The following CACNA2D3 variants were observed in gnomAD, a reference collection of about 807,000 sequenced individuals.
The protein encoded by CACNA2D3 is calcium voltage-gated channel auxiliary subunit alpha2delta 3, also known as voltage-dependent calcium channel subunit alpha-2/delta-3.
In CACNA2D3, 60 loss-of-function variants were observed where a neutral mutation model predicts 160.6. The observed-to-expected ratio is 0.37, with a 90% CI of 0.30 to 0.46. The LOEUF (loss-of-function observed/expected upper bound fraction) is 0.46, where lower values mean the gene tolerates loss of function less well. Among genes scored for constraint, CACNA2D3 ranks in the 20% least tolerant of loss-of-function variants. CACNA2D3 has a pLI of 1.00. For synonymous variants in CACNA2D3, 558 were observed against 492.9 expected, an observed-to-expected ratio of 1.13 and a Z score of -1.75; for missense variants, 1,205 against 1,365.0, an observed-to-expected ratio of 0.88 and a Z score of 1.85.
At chr3:54,680,680 A>T (rs1700329036) in intron 11 of CACNA2D3, among the ~76,000 whole-genome samples, 1 of 152,222 alleles carries the variant, frequency 6.6e-6, no homozygotes, top group South Asian at 2.1e-4. Flanking sequence ...TTGATCGAGG[A>T]GAGGCTGTCC....
chr3:54,408,824 C>T (rs1699618779), intron 4 of CACNA2D3, among the ~76,000 whole-genome samples: 1 of 152,132 alleles, frequency 6.6e-6, no homozygotes, highest in South Asian at 2.1e-4. Flanking sequence ...ACATAAGTGT[C>T]CATTTGTTGC....
chr3:54,357,457 G>T (rs911112979), intron 3 of CACNA2D3, among the ~76,000 whole-genome samples: 2 of 152,162 alleles, frequency 1.3e-5, no homozygotes, highest in Non-Finnish European at 2.9e-5. Flanking sequence ...AAGAACTCTT[G>T]TTCATTGCTG....
rs1187472022 is a variant in CACNA2D3 at position 54,705,491 on chromosome 3, G to A, written c.1168-47108G>A. Among the ~76,000 whole-genome samples the A allele has an allele frequency of 2.6e-5, 4 of 152,286 alleles. No homozygotes were observed. The South Asian group carries it at 8.3e-4, about 32-fold the overall frequency. ...CTCACAGGTTTTTTCTTGTTGTTCT[G>A]ATTTGCTCCTTTGTTTGTTTTGAGT... is the stretch of plus-strand genomic sequence containing the variant. On this transcript the variant is annotated intron_variant, in intron 11 of 37. Coordinates refer to ENST00000474759, the MANE Select transcript of CACNA2D3 (RefSeq NM_018398.3).
chr3:54,398,187 C>G (rs964311749), intron 4 of CACNA2D3, among the ~76,000 whole-genome samples: 1 of 131,752 alleles, frequency 7.6e-6, no homozygotes, highest in African/African-American at 2.9e-5. Context: ...TTCCTCCATC[C>G]TTTTATTTTG....
At chr3:54,852,537 G>A (rs1315888090) in intron 17 of CACNA2D3, among the ~76,000 whole-genome samples, 1 of 152,232 alleles carries the variant, frequency 6.6e-6, no homozygotes, top group Non-Finnish European at 1.5e-5. Flanking sequence ...GCTCTCCACA[G>A]CCTGGGTTCC....
intron 10 of CACNA2D3, among the ~76,000 whole-genome samples, chr3:54,634,302 A>G (rs1278825658): frequency 1.3e-5 from 2 of 152,082 alleles, no homozygotes; most frequent in Non-Finnish European, 2.9e-5. Flanking sequence ...AGATACTCAC[A>G]TCTCTCAGGT....
chr3:54,968,557 T>A, intron 28 of CACNA2D3, 46 bp downstream of exon 28: 1 of 1,430,892 alleles, frequency 7.0e-7, no homozygotes, highest in Non-Finnish European at 9.7e-7. Context: ...ACTGTTATTA[T>A]ACAGGTGTTC....
At chr3:54,380,531 G>T (rs1013404628) in intron 3 of CACNA2D3, among the ~76,000 whole-genome samples, 7 of 152,188 alleles carry the variant, frequency 4.6e-5, no homozygotes, top group Non-Finnish European at 1.0e-4. Context: ...GAGGTCAGGA[G>T]ATGGAGACCA....
chr3:54,937,273 C>G (rs571898080), intron 27 of CACNA2D3, among the ~76,000 whole-genome samples: 48 of 152,292 alleles, frequency 3.2e-4, no homozygotes, highest in African/African-American at 1.1e-3. Context: ...CAAAATAAGA[C>G]ACAGCTCAAT....
chr3:54,452,739 G>A (rs1302828974), intron 4 of CACNA2D3, among the ~76,000 whole-genome samples: 2 of 152,098 alleles, frequency 1.3e-5, no homozygotes, highest in East Asian at 1.9e-4. Context: ...TTATTTCATG[G>A]TTCTGGAGGC....
In CACNA2D3 at chr3:54,993,856, T is replaced by C. The variant is rs112055070; in HGVS notation, c.2690+6103T>C. The stretch of plus-strand genomic sequence containing the variant: ...GTCTTATCTGTCTCTCTCTCTCTCT[T>C]TTTTTTTTTTTTTTTGGTTGCAACT... On this transcript the variant is annotated intron_variant, in intron 31 of 37. Coordinates refer to ENST00000474759, the MANE Select transcript of CACNA2D3 (RefSeq NM_018398.3). 4.7e-3 allele frequency among the ~76,000 whole-genome samples: 673 copies of C among 142,604 alleles called. 2 individuals are homozygous for C. The highest frequency in any genetic ancestry group is 0.015 in the African/African-American group (576 of 39,132). The allele number at this position is 142,604 out of a possible 152,430, so 93.6% of individuals were successfully genotyped here. A position where few individuals can be genotyped will look rare whatever the true frequency, so the allele number is the denominator to read the frequency against.
intron 11 of CACNA2D3, among the ~76,000 whole-genome samples, chr3:54,740,822 C>T (rs1483156965): frequency 6.6e-6 from 1 of 152,180 alleles, no homozygotes; most frequent in Non-Finnish European, 1.5e-5. Context: ...TGGGAAAAGG[C>T]AACTGTGCTA....
chr3:54,568,194 C>T (rs1702438993), intron 6 of CACNA2D3, among the ~76,000 whole-genome samples: 1 of 152,174 alleles, frequency 6.6e-6, no homozygotes, highest in Admixed American at 6.5e-5. Flanking sequence ...AATTTTCCTC[C>T]AATGTTAGTT....
intron 27 of CACNA2D3, among the ~76,000 whole-genome samples, chr3:54,917,485 C>T (rs773259978): frequency 6.6e-6 from 1 of 152,248 alleles, no homozygotes; most frequent in Non-Finnish European, 1.5e-5. Context: ...TGCTGGCTTC[C>T]ACCCTGACAC....
At chr3:54,506,605 A>C (rs1456816757) in intron 5 of CACNA2D3, among the ~76,000 whole-genome samples, 1 of 152,096 alleles carries the variant, frequency 6.6e-6, no homozygotes, top group Admixed American at 6.6e-5. Context: ...GCAGCTTCAA[A>C]GTTGGTGATG....
intron 10 of CACNA2D3, among the ~76,000 whole-genome samples, chr3:54,629,102 C>T (rs936251119): frequency 2.0e-5 from 3 of 152,032 alleles, no homozygotes; most frequent in Admixed American, 6.6e-5. Flanking sequence ...AGGAAGAAGG[C>T]ATGGGATAGT....
intron 2 of CACNA2D3, among the ~76,000 whole-genome samples, chr3:54,207,424 G>A (rs1220277069): frequency 2.1e-5 from 3 of 143,996 alleles, no homozygotes; most frequent in Admixed American, 7.6e-5. Flanking sequence ...ACTGTAATCC[G>A]GGTGGATACA....
intron 4 of CACNA2D3, among the ~76,000 whole-genome samples, chr3:54,488,452 C>G (rs1270106127): frequency 6.6e-6 from 1 of 152,010 alleles, no homozygotes; most frequent in East Asian, 1.9e-4. Context: ...CTTATGAAAC[C>G]CTCCATCATG....
chr3:54,227,871 C>T (rs1201734454), intron 2 of CACNA2D3, among the ~76,000 whole-genome samples: 1 of 152,132 alleles, frequency 6.6e-6, no homozygotes, highest in Non-Finnish European at 1.5e-5. Context: ...TTTTGGTCAC[C>T]TCCCTGCTCC....
Sources: allele counts gnomAD v4.1 joint callset (sites outside exome capture counted in the v4.1 genomes callset), GRCh38; gene constraint gnomAD v4.1.1; transcripts MANE v1.5; gene names NCBI Gene and HGNC (gene_info 2026-07-23, HGNC 2026-07-21).